Variants in CADPS2 observed in about 807,000 individuals in gnomAD.
CADPS2 encodes the protein calcium dependent secretion activator 2.
In CADPS2, 93 loss-of-function variants were observed where a neutral mutation model predicts 172.5. The observed-to-expected ratio is 0.54, with a 90% CI of 0.46 to 0.64. CADPS2 has a LOEUF of 0.64. CADPS2 is among the 30% of genes least tolerant of loss of function. The pLI is 0.00. For synonymous variants in CADPS2, 546 were observed against 555.2 expected, an observed-to-expected ratio of 0.98 and a Z score of 0.23; for missense variants, 1,420 against 1,565.9, an observed-to-expected ratio of 0.91 and a Z score of 1.57.
rs182269567 is a variant in CADPS2 at position 122,668,899 on chromosome 7, G to A, written c.454-5330C>T. ...TCATTTTGCTCTGTTTTTTGTTTCC[G>A]CATATAACATCATCTGACATGCATT... On this transcript the variant is annotated intron_variant, in intron 2 of 29. Transcript: ENST00000449022. Among the ~76,000 whole-genome samples, 179 of 152,116 alleles carry A rather than the reference G, an allele frequency of 1.2e-3. 2 individuals are homozygous for A. The highest frequency in any genetic ancestry group is 3.5e-3 in the South Asian group (17 of 4,818).
In CADPS2 at chr7:122,319,950, AAAACAAAC is replaced by A. The variant is rs139748837; in HGVS notation, c.*207_*214del. 6.9e-5 allele frequency: 29 copies of A among 418,458 alleles called. No individual in the cohort carries two copies. Among genetic ancestry groups the A allele is most frequent in the South Asian group, 3.3e-4 (4 of 12,134 alleles). 25.9% of individuals were successfully genotyped at this position (418,458 alleles called of 1,614,324 possible). On this transcript the variant is annotated 3_prime_UTR_variant, in exon 30 of 30. Coordinates refer to ENST00000449022, the MANE Select transcript of CADPS2 (RefSeq NM_017954.11). ...ACAAAAGAGGATGCTCTTCTCCAAAAAAACAAACAAACAAACAAACAAAAAAAGGAAAC... is the reference window on the plus strand; with the variant it reads ...ACAAAAGAGGATGCTCTTCTCCAAAAAAACAAACAAACAAAAAAAGGAAAC...
chr7:122,569,352 C>A (rs540355030), intron 7 of CADPS2, among the ~76,000 whole-genome samples: 1 of 151,998 alleles, frequency 6.6e-6, no homozygotes, highest in South Asian at 2.1e-4. Context: ...TCAAGGAGAA[C>A]TACAAACCAC....
At position 122,607,996 on chromosome 7, in the gene CADPS2, A is replaced by G. The variant is rs189248513; in HGVS notation, c.1223+7185T>C. Among the ~76,000 whole-genome samples the G allele has an allele frequency of 2.0e-4, 31 of 152,200 alleles. No homozygotes were observed. The East Asian group carries it at 5.6e-3, about 28-fold the overall frequency. On this transcript the variant is annotated intron_variant, in intron 6 of 29. Coordinates refer to ENST00000449022, the MANE Select transcript of CADPS2 (RefSeq NM_017954.11). Reference sequence around the variant, plus strand: ...CACTTTGGGAGGGCGAGGTGGGTGGATCACGAGGTCAAGAGATCAAGACCA... The same window carrying G: ...CACTTTGGGAGGGCGAGGTGGGTGGGTCACGAGGTCAAGAGATCAAGACCA...
intron 1 of CADPS2, among the ~76,000 whole-genome samples, chr7:122,779,394 G>C (rs1026254701): frequency 1.6e-4 from 25 of 152,102 alleles, no homozygotes; most frequent in Admixed American, 2.6e-4. Context: ...TTGTGGTGGA[G>C]GTCAGCAGCT....
intron 7 of CADPS2, among the ~76,000 whole-genome samples, chr7:122,567,507 T>C (rs2066621753): frequency 6.6e-6 from 1 of 152,194 alleles, no homozygotes; most frequent in African/African-American, 2.4e-5. Flanking sequence ...CTGATTTTGT[T>C]CAAAGCAACA....
intron 20 of CADPS2, among the ~76,000 whole-genome samples, chr7:122,405,637 G>A (rs2046555170): frequency 6.6e-6 from 1 of 151,468 alleles, no homozygotes; most frequent in African/African-American, 2.4e-5. Flanking sequence ...TCCAGCCTGG[G>A]CGATGGAACA....
At chr7:122,608,087 C>CA (rs1245925113) in intron 6 of CADPS2, among the ~76,000 whole-genome samples, 4 of 151,816 alleles carry the variant, frequency 2.6e-5, no homozygotes, top group African/African-American at 9.7e-5. Flanking sequence ...TGTGGTGGTG[C>CA]ATGTCTGTAG....
chr7:122,851,997 C>A (rs1584927395), intron 1 of CADPS2, among the ~76,000 whole-genome samples: 1 of 152,194 alleles, frequency 6.6e-6, no homozygotes, highest in East Asian at 1.9e-4. Context: ...ATATACAAAC[C>A]AGGAAACTGA....
chr7:122,659,582 GAAGT>G (rs934523875), intron 3 of CADPS2, among the ~76,000 whole-genome samples: 26 of 152,030 alleles, frequency 1.7e-4, no homozygotes, highest in Non-Finnish European at 3.1e-4. Context: ...AGGAATATTT[GAAGT>G]AATAACAGCA....
At chr7:122,321,074 T>C (rs1198007669) in intron 29 of CADPS2, among the ~76,000 whole-genome samples, 1 of 152,238 alleles carries the variant, frequency 6.6e-6, no homozygotes, top group Non-Finnish European at 1.5e-5. Context: ...GTACAATGAT[T>C]TTCAAGACAA....
At chr7:122,344,607 G>A (rs1251879630) in intron 28 of CADPS2, among the ~76,000 whole-genome samples, 2 of 152,154 alleles carry the variant, frequency 1.3e-5, no homozygotes, top group East Asian at 3.9e-4. Flanking sequence ...TTCAACAGTA[G>A]AGTGGCAGAT....
intron 1 of CADPS2, among the ~76,000 whole-genome samples, chr7:122,741,900 ATTAT>A (rs1397446790): frequency 6.6e-6 from 1 of 152,184 alleles, no homozygotes; most frequent in African/African-American, 2.4e-5. Flanking sequence ...AAATAAAATG[ATTAT>A]TTAAGAGTTT....
At chr7:122,876,219 C>A (rs1198581329) in intron 1 of CADPS2, among the ~76,000 whole-genome samples, 1 of 152,100 alleles carries the variant, frequency 6.6e-6, no homozygotes, top group Non-Finnish European at 1.5e-5. Context: ...ACTTGGGAGG[C>A]TGAGGCAGGA....
At chr7:122,883,702 G>C (rs942006945) in intron 1 of CADPS2, among the ~76,000 whole-genome samples, 3 of 152,122 alleles carry the variant, frequency 2.0e-5, no homozygotes, top group Non-Finnish European at 4.4e-5. Context: ...TTTAAAAGGT[G>C]GGGGAGGGTT....
chr7:122,661,452 T>C (rs1234068997), intron 3 of CADPS2, among the ~76,000 whole-genome samples: 1 of 152,140 alleles, frequency 6.6e-6, no homozygotes, highest in Non-Finnish European at 1.5e-5. Flanking sequence ...TTTTATAACC[T>C]TGTAACATCT....
chr7:122,375,976 C>G (rs149030324), intron 25 of CADPS2, among the ~76,000 whole-genome samples: 1 of 151,616 alleles, frequency 6.6e-6, no homozygotes. Flanking sequence ...AACAGGTATA[C>G]GAAAAGGAGC....
At chr7:122,846,795 G>A (rs1367074894) in intron 1 of CADPS2, among the ~76,000 whole-genome samples, 4 of 152,168 alleles carry the variant, frequency 2.6e-5, no homozygotes, top group Non-Finnish European at 2.9e-5. Flanking sequence ...TTCCTGAGAT[G>A]ATCTTCAAGC....
At chr7:122,787,199 T>C (rs1376214081) in intron 1 of CADPS2, among the ~76,000 whole-genome samples, 3 of 152,326 alleles carry the variant, frequency 2.0e-5, no homozygotes, top group Admixed American at 2.0e-4. Flanking sequence ...CTCAATCTCA[T>C]GAGGGTTTTA....
At chr7:122,402,408 C>G (rs1026740068) in intron 20 of CADPS2, among the ~76,000 whole-genome samples, 1 of 152,290 alleles carries the variant, frequency 6.6e-6, no homozygotes, top group South Asian at 2.1e-4. Context: ...TCAAGCCCCC[C>G]GCCCGAGTTC....
Sources: allele counts gnomAD v4.1 joint callset (sites outside exome capture counted in the v4.1 genomes callset), GRCh38; gene constraint gnomAD v4.1.1; transcripts MANE v1.5; gene names NCBI Gene and HGNC (gene_info 2026-07-23, HGNC 2026-07-21).